Variants in ERICH6B observed in about 807,000 individuals in gnomAD.
ERICH6B encodes the protein glutamate-rich protein 6B.
A neutral mutation model predicts 80.0 loss-of-function variants in ERICH6B; 69 were observed. That is an observed-to-expected ratio of 0.86 (90% CI 0.71 to 1.05). The LOEUF (loss-of-function observed/expected upper bound fraction) is 1.05, where lower values mean the gene tolerates loss of function less well. ERICH6B is among the 50% of genes least tolerant of loss of function. The pLI, the probability that ERICH6B is intolerant of heterozygous loss-of-function variation, is 0.00. For synonymous variants in ERICH6B, 283 were observed against 291.9 expected, an observed-to-expected ratio of 0.97 and a Z score of 0.31; for missense variants, 754 against 796.1, an observed-to-expected ratio of 0.95 and a Z score of 0.64.
intron 4 of ERICH6B, 54 bp downstream of exon 4, chr13:45,590,595 C>A (rs1405262878): frequency 3.7e-5 from 55 of 1,501,246 alleles, no homozygotes; most frequent in Non-Finnish European, 4.5e-5. Context: ...GCTGCTGAAA[C>A]ATTGTCCCCA....
chr13:45,584,492 G>A (rs1261939515), intron 5 of ERICH6B, among the ~76,000 whole-genome samples: 1 of 152,196 alleles, frequency 6.6e-6, no homozygotes, highest in African/African-American at 2.4e-5. Context: ...ATCATGCTTT[G>A]GAAGCGGGTG....
chr13:45,567,003 A>G (rs1470868424), intron 9 of ERICH6B, among the ~76,000 whole-genome samples: 2 of 152,278 alleles, frequency 1.3e-5, no homozygotes, highest in African/African-American at 4.8e-5. Flanking sequence ...CACCTCTTGC[A>G]TTAGCATGAC....
chr13:45,597,098 A>G, intron 2 of ERICH6B, 35 bp from the exon 3 acceptor site: 1 of 1,348,386 alleles, frequency 7.4e-7, no homozygotes, highest in Non-Finnish European at 9.9e-7. Flanking sequence ...CCTATTAGCC[A>G]GTAATAGCAA....
chr13:45,591,290 C>T (rs530439456), intron 3 of ERICH6B, among the ~76,000 whole-genome samples: 1 of 152,270 alleles, frequency 6.6e-6, no homozygotes, highest in Admixed American at 6.5e-5. Flanking sequence ...TGAGGAACAT[C>T]CCTTGGCTAT....
intron 11 of ERICH6B, among the ~76,000 whole-genome samples, chr13:45,560,987 G>A (rs951122658): frequency 2.6e-5 from 4 of 152,178 alleles, no homozygotes; most frequent in Non-Finnish European, 2.9e-5. Flanking sequence ...ATTTACAGGC[G>A]TGATCATAGC....
chr13:45,614,012 A>C (rs558010503), intron 1 of ERICH6B, among the ~76,000 whole-genome samples: 1 of 152,260 alleles, frequency 6.6e-6, no homozygotes, highest in Non-Finnish European at 1.5e-5. Flanking sequence ...CAACAGGAGA[A>C]ATGGGAGGAC....
chr13:45,596,964 A>G lies in ERICH6B; in HGVS notation c.42T>C (p.Pro14=). 6.4e-7 allele frequency: 1 copy of G among 1,551,440 alleles called. No homozygotes were observed. The highest frequency in any genetic ancestry group is 8.7e-7 in the Non-Finnish European group (1 of 1,146,834). Residue 14 remains proline, a synonymous_variant, in exon 3 of 15, where the codon CCT becomes CCC. Transcript: ENST00000298738. ...ENNQLSGASP[P]HPPTTPQYST... Reference sequence around the variant, plus strand: ...AATATTGGGGAGTTGTGGGAGGGTGAGGAGGTGATGCTCCTGATAACTGAT... The same window carrying G: ...AATATTGGGGAGTTGTGGGAGGGTGGGGAGGTGATGCTCCTGATAACTGAT...
At chr13:45,573,883 C>T (rs1457676600) in intron 8 of ERICH6B, among the ~76,000 whole-genome samples, 1 of 152,134 alleles carries the variant, frequency 6.6e-6, no homozygotes, top group African/African-American at 2.4e-5. Flanking sequence ...TCCAAAATGC[C>T]TGAGTTTACT....
At chr13:45,565,680 C>T (rs1042883192) in intron 9 of ERICH6B, among the ~76,000 whole-genome samples, 5 of 152,210 alleles carry the variant, frequency 3.3e-5, no homozygotes, top group Admixed American at 6.5e-5. Context: ...TGCTTTTCAC[C>T]TTCCACCATG....
intron 14 of ERICH6B, 143 bp from the exon 15 acceptor site, chr13:45,541,823 C>A: frequency 1.4e-6 from 1 of 705,844 alleles, no homozygotes; most frequent in Non-Finnish European, 2.3e-6. Context: ...TCAGCCCTGC[C>A]ACCTGCCACC....
chr13:45,594,631 G>A (rs1396000289), intron 3 of ERICH6B, among the ~76,000 whole-genome samples: 1 of 152,166 alleles, frequency 6.6e-6, no homozygotes, highest in Non-Finnish European at 1.5e-5. Context: ...GAAGGGAGTA[G>A]GAATCAAGGA....
At chr13:45,561,240 T>G (rs1874659526) in intron 11 of ERICH6B, 129 bp downstream of exon 11, 1 of 906,464 alleles carries the variant, frequency 1.1e-6, no homozygotes, top group Non-Finnish European at 1.6e-6. Flanking sequence ...ACCTCTGATA[T>G]CTTGGATGCA....
Position 45,574,905 on chromosome 13 carries a change from G to C in ERICH6B, c.987C>G (p.Asn329Lys), listed in dbSNP as rs1219677842. Reference protein sequence around the residue: ...ENVLEFASKENFWDGITDESI... With the variant: ...ENVLEFASKEKFWDGITDESI... ...ACTCATCTGTTATACCATCCCAAAA[G>C]TTCTCTTTAGAAGCAAACTCCAGGA... The change falls in exon 8 of 15, where the codon AAC (asparagine) becomes AAG (lysine). Residue 329 changes from asparagine to lysine, a missense_variant. Asn to Lys is a moderately conservative substitution (Grantham distance 94, BLOSUM62 0). Coordinates refer to ENST00000298738, the MANE Select transcript of ERICH6B (RefSeq NM_182542.3). 15 of 1,551,228 alleles carry C rather than the reference G, an allele frequency of 9.7e-6. No homozygotes were observed. The Admixed American group carries it at 2.7e-4, about 28-fold the overall frequency.
intron 11 of ERICH6B, among the ~76,000 whole-genome samples, chr13:45,552,009 C>T (rs180802359): frequency 1.4e-4 from 22 of 152,292 alleles, no homozygotes; most frequent in African/African-American, 5.3e-4. Flanking sequence ...CCTCAATTTA[C>T]TGTTTAGCTG....
rs559755355 is a variant in ERICH6B at position 45,568,260 on chromosome 13, A to T, written c.1187+55T>A. The T allele has an allele frequency of 4.4e-5, 65 of 1,465,280 alleles. No homozygotes were observed. The African/African-American group carries it at 8.5e-4, about 19-fold the overall frequency. The allele number at this position is 1,465,280 out of a possible 1,614,324, so 90.8% of individuals were successfully genotyped here. A position where few individuals can be genotyped will look rare whatever the true frequency, so the allele number is the denominator to read the frequency against. On this transcript the variant is annotated intron_variant, in intron 9 of 14. Transcript: ENST00000298738. ...CTCAGTTTACACTTTCCCTGCTGCC[A>T]CCTCTGGCATACCCAAATCCACTGA...
At chr13:45,610,891 T>C (rs1227351083) in intron 1 of ERICH6B, among the ~76,000 whole-genome samples, 1 of 151,588 alleles carries the variant, frequency 6.6e-6, no homozygotes, top group African/African-American at 2.4e-5. Context: ...TACATTTATA[T>C]GCAAAAGATA....
At chr13:45,590,001 A>G (rs1239922694) in intron 4 of ERICH6B, among the ~76,000 whole-genome samples, 1 of 152,058 alleles carries the variant, frequency 6.6e-6, no homozygotes, top group African/African-American at 2.4e-5. Flanking sequence ...CTGGGATTTC[A>G]TTCCTGCTTC....
At chr13:45,568,092 C>A (rs773579262) in intron 9 of ERICH6B, among the ~76,000 whole-genome samples, 1 of 152,192 alleles carries the variant, frequency 6.6e-6, no homozygotes, top group African/African-American at 2.4e-5. Context: ...AATATCCTTG[C>A]TCTTGAGTTT....
At chr13:45,542,824 G>T (rs1284299623) in intron 14 of ERICH6B, among the ~76,000 whole-genome samples, 1 of 152,202 alleles carries the variant, frequency 6.6e-6, no homozygotes, top group Non-Finnish European at 1.5e-5. Flanking sequence ...GAACCTAGGG[G>T]GGTCAGCAGG....
Sources: gnomAD v4.1 joint callset for allele counts (sites outside exome capture counted in the v4.1 genomes callset) on GRCh38, gnomAD v4.1.1 for gene constraint, MANE v1.5 for transcripts, NCBI Gene and HGNC (gene_info 2026-07-23, HGNC 2026-07-21) for gene names.